Variants in FGF14 observed in about 807,000 individuals in gnomAD.
The protein encoded by FGF14 is fibroblast growth factor 14.
FGF14 carries 5 observed loss-of-function variants against 25.5 expected under a neutral mutation model. The ratio of observed to expected loss-of-function variants is 0.20; its 90% CI spans 0.10 to 0.41. FGF14 has a LOEUF of 0.41. FGF14 is among the 10% of genes least tolerant of loss of function. FGF14 has a pLI of 1.00. For synonymous variants in FGF14, 138 were observed against 118.3 expected (o/e 1.17, Z -1.08); for missense variants, 222 against 320.1 (o/e 0.69, Z 2.34).
chr13:101,994,148 T>G (rs2039054893), intron 1 of FGF14, among the ~76,000 whole-genome samples: 1 of 152,074 alleles, frequency 6.6e-6, no homozygotes, highest in Non-Finnish European at 1.5e-5. Flanking sequence ...CCAGTGTGTA[T>G]GTACATGTGT....
intron 1 of FGF14, among the ~76,000 whole-genome samples, chr13:102,029,967 T>G (rs1166042362): frequency 1.3e-5 from 2 of 152,056 alleles, no homozygotes; most frequent in African/African-American, 2.4e-5. Context: ...GAGTTTATAA[T>G]CTTGCATGGG....
chr13:102,195,160 C>T (rs1472880379), intron 1 of FGF14, among the ~76,000 whole-genome samples: 1 of 152,074 alleles, frequency 6.6e-6, no homozygotes, highest in Admixed American at 6.5e-5. Context: ...TAAATAGAAT[C>T]CACATGAAGA....
At chr13:102,328,657 G>A (rs1188263262) in intron 1 of FGF14, among the ~76,000 whole-genome samples, 2 of 152,232 alleles carry the variant, frequency 1.3e-5, no homozygotes, top group Non-Finnish European at 2.9e-5. Flanking sequence ...TGTGATACAC[G>A]AAGGAGGAGC....
chr13:101,808,121 G>A (rs1344148611), intron 3 of FGF14, among the ~76,000 whole-genome samples: 2 of 151,974 alleles, frequency 1.3e-5, no homozygotes, highest in Non-Finnish European at 2.9e-5. Context: ...ATATGTTTAT[G>A]GAATGAGAAA....
At chr13:102,382,034 C>T (rs1044806533) in intron 1 of FGF14, among the ~76,000 whole-genome samples, 1 of 152,090 alleles carries the variant, frequency 6.6e-6, no homozygotes, top group African/African-American at 2.4e-5. Context: ...CTAAAACTCT[C>T]TAAGAAAAAC....
At chr13:102,073,831 C>A (rs896503914) in intron 1 of FGF14, among the ~76,000 whole-genome samples, 6 of 152,110 alleles carry the variant, frequency 3.9e-5, no homozygotes, top group Non-Finnish European at 8.8e-5. Context: ...AAGACCAAGG[C>A]CTTGATCTGA....
At chr13:101,923,794 A>G (rs528942255) in intron 1 of FGF14, among the ~76,000 whole-genome samples, 12 of 152,226 alleles carry the variant, frequency 7.9e-5, no homozygotes, top group African/African-American at 2.9e-4. Context: ...TTGTTGCTTA[A>G]TGTTTTGATT....
intron 1 of FGF14, among the ~76,000 whole-genome samples, chr13:102,075,309 T>C (rs1251169930): frequency 6.6e-6 from 1 of 152,190 alleles, no homozygotes; most frequent in Non-Finnish European, 1.5e-5. Context: ...AAGAAAGCAA[T>C]TCTGCTTACA....
chr13:101,916,527 C>T lies in FGF14; in HGVS notation c.119G>A (p.Cys40Tyr). ...RSSPSKNRGL[C>Y]NGNLVDIFSK... ...GAAGATATCCACCAGGTTGCCGTTG[C>T]AGAGCCCGCGGTTCTTGCTGGGGCT... Residue 40 changes from cysteine (C) to tyrosine (Y), a missense_variant, in exon 1 of 5, where the codon TGC becomes TAC. Cys to Tyr is a radical substitution (Grantham distance 194). This residue lies in a region of FGF14 where 80 missense variants were observed against 72.2 expected (regional missense o/e 1.11). Coordinates refer to ENST00000376143, the MANE Select transcript of FGF14 (RefSeq NM_004115.4). 1.9e-6 allele frequency: 3 copies of T among 1,613,790 alleles called. No individual in the cohort carries two copies. Among genetic ancestry groups the T allele is most frequent in the Non-Finnish European group, 2.5e-6 (3 of 1,179,938 alleles).
chr13:102,019,761 CTTGT>C (rs2040537483), intron 1 of FGF14, among the ~76,000 whole-genome samples: 3 of 152,114 alleles, frequency 2.0e-5, no homozygotes, highest in South Asian at 4.1e-4. Flanking sequence ...TGTTCCATTG[CTTGT>C]TTATGCAAGA....
At chr13:102,330,797 G>A (rs781086535) in intron 1 of FGF14, among the ~76,000 whole-genome samples, 6 of 152,066 alleles carry the variant, frequency 3.9e-5, no homozygotes, top group African/African-American at 9.7e-5. Flanking sequence ...ACCATGTGAC[G>A]TTCCATGCAT....
chr13:101,977,795 A>G (rs2038016987), intron 1 of FGF14, among the ~76,000 whole-genome samples: 1 of 152,208 alleles, frequency 6.6e-6, no homozygotes, highest in Non-Finnish European at 1.5e-5. Flanking sequence ...TGGACTCTAC[A>G]TTAATGTGTG....
chr13:102,160,546 C>G (rs2047575516), intron 1 of FGF14, among the ~76,000 whole-genome samples: 1 of 151,984 alleles, frequency 6.6e-6, no homozygotes, highest in African/African-American at 2.4e-5. Flanking sequence ...TGATGTCCAA[C>G]TAAAAAACAA....
chr13:102,107,102 T>A (rs767004590), intron 1 of FGF14, among the ~76,000 whole-genome samples: 1 of 152,226 alleles, frequency 6.6e-6, no homozygotes, highest in Admixed American at 6.5e-5. Flanking sequence ...CTACTAGCCA[T>A]ATTTTATATG....
intron 3 of FGF14, among the ~76,000 whole-genome samples, chr13:101,843,860 G>A (rs1240900372): frequency 1.3e-5 from 2 of 151,874 alleles, no homozygotes; most frequent in African/African-American, 2.4e-5. Flanking sequence ...AAACTCTGTG[G>A]GATTTACAGT....
At chr13:102,258,280 C>G (rs1453066219) in intron 1 of FGF14, among the ~76,000 whole-genome samples, 1 of 152,118 alleles carries the variant, frequency 6.6e-6, no homozygotes, top group Non-Finnish European at 1.5e-5. Flanking sequence ...CAAACCATAT[C>G]AAGCTGGGAG....
intron 1 of FGF14, among the ~76,000 whole-genome samples, chr13:101,955,893 G>T (rs993900054): frequency 1.3e-5 from 2 of 152,178 alleles, no homozygotes; most frequent in Non-Finnish European, 2.9e-5. Context: ...ATAAATCTCA[G>T]ATGGGTACAT....
chr13:101,797,772 T>TGTGTGTGCGTGC (rs1555384575), intron 3 of FGF14, among the ~76,000 whole-genome samples: 2 of 145,556 alleles, frequency 1.4e-5, no homozygotes, highest in African/African-American at 5.0e-5. Flanking sequence ...TGTGTGTGTG[T>TGTGTGTGCGTGC]GTGTGTGTGT....
intron 1 of FGF14, among the ~76,000 whole-genome samples, chr13:101,940,859 T>G (rs2035404563): frequency 6.6e-6 from 1 of 152,172 alleles, no homozygotes; most frequent in Non-Finnish European, 1.5e-5. Flanking sequence ...AAAGAATTTT[T>G]TAAAAAATAT....
Sources: allele counts gnomAD v4.1 joint callset (sites outside exome capture counted in the v4.1 genomes callset), GRCh38; gene constraint gnomAD v4.1.1; regional missense constraint gnomAD v4.1.1; transcripts MANE v1.5; gene names NCBI Gene and HGNC (gene_info 2026-07-23, HGNC 2026-07-21).